CHD2: variants seen among roughly 807,000 people sequenced by gnomAD.
The protein encoded by CHD2 is ATP-dependent chromatin remodeler CHD2.
In CHD2, 28 loss-of-function variants were observed where a neutral mutation model predicts 243.9. The ratio of observed to expected loss-of-function variants is 0.11; its 90% CI spans 0.09 to 0.16. The LOEUF (loss-of-function observed/expected upper bound fraction) is 0.16. Among genes scored for constraint, CHD2 ranks in the 10% least tolerant of loss-of-function variants. The pLI is 1.00. For missense variants in CHD2, 1,386 were observed against 2,209.8 expected, an observed-to-expected ratio of 0.63 and a Z score of 7.47; for synonymous variants, 775 against 779.0, an observed-to-expected ratio of 0.99 and a Z score of 0.09.
At position 92,998,629 on chromosome 15, in the gene CHD2, C is replaced by A. The variant is rs764966782; in HGVS notation, c.4008+8C>A. The A allele has an allele frequency of 2.2e-5, 36 of 1,610,548 alleles. 1 individual carries two copies. The South Asian group carries it at 4.0e-4, about 18-fold the overall frequency. ...GTGACAGGTGGGGAAGAGGTGAGTA[C>A]GCTGCCAGCTGGTTGTTTTTCAGGG... On this transcript the variant is annotated splice_region_variant and intron_variant, in intron 31 of 38. Transcript: ENST00000394196. The surrounding 1 kb of genome is among the most constrained non-coding windows in gnomAD (Gnocchi z 5.1).
chr15:92,917,201 A>G (rs2052855776), intron 2 of CHD2, among the ~76,000 whole-genome samples: 1 of 152,218 alleles, frequency 6.6e-6, no homozygotes. Flanking sequence ...CTTATTCTGA[A>G]GAAGCACAGG....
At chr15:93,015,191 C>T (rs1323031827) in intron 37 of CHD2, among the ~76,000 whole-genome samples, 3 of 152,046 alleles carry the variant, frequency 2.0e-5, no homozygotes, top group Non-Finnish European at 2.9e-5. Flanking sequence ...CGATTCTCGT[C>T]CCTCAGCCTC....
At chr15:92,940,877 T>C (rs897115571) in intron 7 of CHD2, among the ~76,000 whole-genome samples, 1 of 94,450 alleles carries the variant, frequency 1.1e-5, no homozygotes, top group Non-Finnish European at 2.2e-5. Flanking sequence ...AAAATATACA[T>C]ATAAATATAT....
rs534463511 is a variant in CHD2 at position 92,983,008 on chromosome 15, T to C, written c.3067-1322T>C. Among the ~76,000 whole-genome samples, 427 of 152,278 alleles carry C rather than the reference T, an allele frequency of 2.8e-3. 2 individuals are homozygous for C. Among genetic ancestry groups the C allele is most frequent in the African/African-American group, 1.0e-2 (414 of 41,552 alleles). On this transcript the variant is annotated intron_variant, in intron 24 of 38. Transcript: ENST00000394196. ...CATGGTCAGGTTCTGGTGGAGGCTC[T>C]CAGGTTGCAGACTGCTGACTTTTCT...
chr15:93,009,391 T>A, intron 35 of CHD2, 68 bp downstream of exon 35: 19 of 1,468,122 alleles, frequency 1.3e-5, no homozygotes, highest in Non-Finnish European at 1.7e-5. Flanking sequence ...TGTTTTCTTT[T>A]AATAAAAGGT....
intron 27 of CHD2, among the ~76,000 whole-genome samples, chr15:92,992,570 A>G (rs879683331): frequency 1.3e-5 from 2 of 152,178 alleles, no homozygotes; most frequent in African/African-American, 4.8e-5. Flanking sequence ...CTAACAGCCT[A>G]TTTATTTAAT....
rs557506942 is a variant in CHD2 at position 92,910,910 on chromosome 15, T to C, written c.62+9611T>C. On this transcript the variant is annotated intron_variant, in intron 2 of 38. Coordinates refer to ENST00000394196, the MANE Select transcript of CHD2 (RefSeq NM_001271.4). ...CTAGGTATAGCCTACTGCACACTTA[T>C]GCTGTAGCCTGTTGCTCCTAGGCCA... 3.2e-4 allele frequency among the ~76,000 whole-genome samples: 48 copies of C among 152,292 alleles called. No homozygotes were observed. In the South Asian group the frequency reaches 8.5e-3, roughly 27 times the overall value.
intron 16 of CHD2, among the ~76,000 whole-genome samples, chr15:92,960,794 A>G (rs1035989198): frequency 2.8e-5 from 4 of 143,726 alleles, no homozygotes; most frequent in East Asian, 4.1e-4. Flanking sequence ...GGCTCACTGC[A>G]ACCTCCACCT....
At chr15:92,949,333 A>G (rs2053520197) in intron 13 of CHD2, 1 of 862,530 alleles carries the variant, frequency 1.2e-6, no homozygotes. Context: ...ATAGCCAGAA[A>G]CCTGTATCAT....
intron 2 of CHD2, among the ~76,000 whole-genome samples, chr15:92,913,227 C>T (rs542473067): frequency 5.9e-5 from 9 of 152,272 alleles, no homozygotes; most frequent in South Asian, 4.1e-4. Context: ...GACGGGGTTT[C>T]GATCTTTTCT....
At chr15:92,987,821 A>G (rs1396731188) in intron 26 of CHD2, among the ~76,000 whole-genome samples, 4 of 151,590 alleles carry the variant, frequency 2.6e-5, no homozygotes, top group Admixed American at 6.6e-5. Context: ...TGTTAAATAT[A>G]TAATATACCA....
chr15:92,903,016 C>CTGA (rs2052552232), intron 2 of CHD2, among the ~76,000 whole-genome samples: 1 of 152,166 alleles, frequency 6.6e-6, no homozygotes, highest in Admixed American at 6.5e-5. Context: ...GAAGCATGTA[C>CTGA]TGACTGTACT....
intron 28 of CHD2, among the ~76,000 whole-genome samples, chr15:92,994,157 GTTATCTGGAATTTTGGTTCTACCAC>G (rs2054158276): frequency 6.6e-6 from 1 of 152,154 alleles, no homozygotes; most frequent in Non-Finnish European, 1.5e-5. Flanking sequence ...GAGGCAGTCA[GTTATCTGGAATTTTGGTTCTACCAC>G]TTCTAGTTAT....
At chr15:92,934,308 T>C (rs1355646115) in intron 5 of CHD2, among the ~76,000 whole-genome samples, 7 of 152,264 alleles carry the variant, frequency 4.6e-5, no homozygotes, top group Admixed American at 4.6e-4. Flanking sequence ...CATTTTGACT[T>C]TTTCCATGTC....
intron 2 of CHD2, among the ~76,000 whole-genome samples, chr15:92,917,476 G>A (rs866969916): frequency 1.2e-4 from 19 of 152,138 alleles, no homozygotes; most frequent in Admixed American, 2.0e-4. Flanking sequence ...CAGGAGAATC[G>A]CATGAACCCT....
chr15:92,953,815 A>G, intron 14 of CHD2: 1 of 466,606 alleles, frequency 2.1e-6, no homozygotes, highest in Non-Finnish European at 3.8e-6. Context: ...GCTGGGTTGC[A>G]ATATTAAATT....
chr15:93,014,629 C>A, intron 36 of CHD2, 67 bp from the exon 37 acceptor site: 1 of 1,410,730 alleles, frequency 7.1e-7, no homozygotes. Context: ...GAGGTGATAG[C>A]CTTTATTCTT....
chr15:92,939,814 A>G, intron 7 of CHD2, 96 bp downstream of exon 7: 2 of 1,300,204 alleles, frequency 1.5e-6, no homozygotes, highest in South Asian at 3.0e-5. Flanking sequence ...CACTTAATAG[A>G]TAAAAATAAC....
chr15:93,010,112 A>C (rs2054371843), intron 35 of CHD2, among the ~76,000 whole-genome samples: 1 of 152,220 alleles, frequency 6.6e-6, no homozygotes, highest in Admixed American at 6.5e-5. Flanking sequence ...TTTCACTTAG[A>C]ATAATGGTCT....
Sources: allele counts gnomAD v4.1 joint callset (sites outside exome capture counted in the v4.1 genomes callset), GRCh38; gene constraint gnomAD v4.1.1; non-coding constraint Gnocchi (gnomAD v3.1); transcripts MANE v1.5; gene names NCBI Gene and HGNC (gene_info 2026-07-23, HGNC 2026-07-21).